COL23A1: variants seen among roughly 807,000 people sequenced by gnomAD.
COL23A1 encodes the protein collagen type XXIII alpha 1 chain, also known as collagen alpha-1(XXIII) chain.
A neutral mutation model predicts 99.3 loss-of-function variants in COL23A1; 97 were observed. That is an observed-to-expected ratio of 0.98 (90% CI 0.83 to 1.16). COL23A1 has a LOEUF of 1.16. COL23A1 is among the 50% of genes most tolerant of loss of function. The pLI is 0.00. For synonymous variants in COL23A1, 320 were observed against 308.2 expected, an observed-to-expected ratio of 1.04 and a Z score of -0.40; for missense variants, 762 against 757.4, an observed-to-expected ratio of 1.01 and a Z score of -0.07.
At position 178,309,643 on chromosome 5, in the gene COL23A1, C is replaced by T. The variant is rs962602350; in HGVS notation, c.362-2724G>A. Among the ~76,000 whole-genome samples the T allele has an allele frequency of 6.6e-6, 1 of 152,076 alleles. No homozygotes were observed. The highest frequency in any genetic ancestry group is 2.4e-5 in the African/African-American group (1 of 41,384). ...TCACCTCCCGACTTCCCACGCGCCC[C>T]CTGCCTCCCTTGTTACTTACCTGCA... On this transcript the variant is annotated intron_variant, in intron 2 of 28. Coordinates refer to ENST00000390654, the MANE Select transcript of COL23A1 (RefSeq NM_173465.4). This position sits in a 1 kb window ranked among gnomAD's most constrained non-coding sequence, Gnocchi z 4.7.
chr5:178,239,550 TGGCC>T (rs1764283573), intron 27 of COL23A1, among the ~76,000 whole-genome samples: 1 of 149,928 alleles, frequency 6.7e-6, no homozygotes, highest in African/African-American at 2.5e-5. Context: ...ACAGTGACTC[TGGCC>T]TGGGTCCTGC....
At chr5:178,435,235 A>T (rs1766492465) in intron 2 of COL23A1, among the ~76,000 whole-genome samples, 1 of 151,996 alleles carries the variant, frequency 6.6e-6, no homozygotes, top group Non-Finnish European at 1.5e-5. Context: ...CTCCTCTTTT[A>T]ATCTCCGGAT....
intron 2 of COL23A1, among the ~76,000 whole-genome samples, chr5:178,332,073 G>A (rs1393421555): frequency 6.6e-6 from 1 of 152,196 alleles, no homozygotes; most frequent in African/African-American, 2.4e-5. Context: ...TTCTGGCGGT[G>A]TGAAGGTCCT....
intron 2 of COL23A1, among the ~76,000 whole-genome samples, chr5:178,493,341 G>A (rs1758031871): frequency 6.6e-6 from 1 of 152,200 alleles, no homozygotes; most frequent in African/African-American, 2.4e-5. Context: ...CCTCCAACTT[G>A]CCTTGCAAAG....
At chr5:178,271,131 C>G (rs1165254041) in intron 5 of COL23A1, among the ~76,000 whole-genome samples, 1 of 152,140 alleles carries the variant, frequency 6.6e-6, no homozygotes, top group Non-Finnish European at 1.5e-5. Context: ...GCACAGCAGC[C>G]CGTGCCAGAC....
At chr5:178,562,625 A>G (rs1762637743) in intron 1 of COL23A1, 2 of 152,124 alleles carry the variant, frequency 1.3e-5, no homozygotes, top group Non-Finnish European at 2.9e-5. Flanking sequence ...CAGCTCTTAA[A>G]GATGACACTG....
intron 2 of COL23A1, among the ~76,000 whole-genome samples, chr5:178,467,164 C>A (rs1756467384): frequency 6.6e-6 from 1 of 152,182 alleles, no homozygotes; most frequent in Non-Finnish European, 1.5e-5. Context: ...CCCTCACTTG[C>A]ACAGGGAGCT....
chr5:178,582,244 AAGGATGGG>A (rs1048491858), intron 1 of COL23A1, among the ~76,000 whole-genome samples: 2 of 149,418 alleles, frequency 1.3e-5, no homozygotes, highest in Non-Finnish European at 3.0e-5. Context: ...GAAGGGAGAG[AAGGATGGG>A]CAAGCCATTA....
At chr5:178,398,455 C>T (rs1764267684) in intron 2 of COL23A1, among the ~76,000 whole-genome samples, 1 of 152,100 alleles carries the variant, frequency 6.6e-6, no homozygotes, top group Non-Finnish European at 1.5e-5. Context: ...GGCAAAAACC[C>T]ATCTCTACTA....
chr5:178,402,634 C>T (rs1002444787), intron 2 of COL23A1, among the ~76,000 whole-genome samples: 9 of 152,154 alleles, frequency 5.9e-5, no homozygotes, highest in Admixed American at 1.3e-4. Flanking sequence ...TGCCTGTAGT[C>T]GCAGCTACTT....
chr5:178,274,227 T>C (rs1006219578), intron 5 of COL23A1, among the ~76,000 whole-genome samples: 1 of 152,226 alleles, frequency 6.6e-6, no homozygotes, highest in Non-Finnish European at 1.5e-5. Context: ...ATGCACTCAG[T>C]GCCTGGCTGA....
At chr5:178,266,752 C>A (rs183477515) in intron 8 of COL23A1, among the ~76,000 whole-genome samples, 1 of 152,086 alleles carries the variant, frequency 6.6e-6, no homozygotes. Flanking sequence ...CTCAGGGCCG[C>A]GGAGGTGCGG....
intron 5 of COL23A1, among the ~76,000 whole-genome samples, chr5:178,282,048 T>C (rs1176344556): frequency 3.6e-5 from 1 of 27,944 alleles, no homozygotes; most frequent in Non-Finnish European, 1.8e-4. Context: ...CAAGACACTG[T>C]CTCCAAAAAA....
rs533495369 is a variant in COL23A1 at position 178,435,348 on chromosome 5, G to A, written c.361+125334C>T. On this transcript the variant is annotated intron_variant, in intron 2 of 28. Transcript: ENST00000390654. ...TGCAAACATGGAGCTCAGGGACCAC[G>A]GTGTCACCACTGGAGCCCCAAGTGA... is the stretch of plus-strand genomic sequence containing the variant. Among the ~76,000 whole-genome samples, 6 of 152,242 alleles carry A rather than the reference G, an allele frequency of 3.9e-5. 1 individual carries two copies. In the South Asian group the frequency reaches 8.3e-4, roughly 21 times the overall value.
chr5:178,473,116 C>G (rs1756846565), intron 2 of COL23A1, among the ~76,000 whole-genome samples: 3 of 150,178 alleles, frequency 2.0e-5, no homozygotes, highest in Admixed American at 2.0e-4. Flanking sequence ...GAGCAAGACT[C>G]TCTTCGCCAT....
At chr5:178,284,780 A>T (rs1163711992) in intron 5 of COL23A1, among the ~76,000 whole-genome samples, 3 of 152,346 alleles carry the variant, frequency 2.0e-5, no homozygotes, top group Non-Finnish European at 4.4e-5. Context: ...AGTACAAAAA[A>T]GTATGTCCAA....
rs1214313465 is a variant in COL23A1, at chr5:178,249,173, G to A, written c.1093C>T (p.Pro365Ser). The stretch of plus-strand genomic sequence containing the variant: ...TCCCCTTTGAGTCCTGCTGGCCCAG[G>A]CTCTCCTGGGTCTCCTTTCTGTCCT... ...PKGQKGDPGE[P>S]GPAGLKGEAG... The change falls in exon 19 of 29, where the codon CCT (proline) becomes TCT (serine). Residue 365 changes from proline (P) to serine (S), a missense_variant. Physicochemically the swap from Pro to Ser is moderately conservative, Grantham distance 74. Coordinates refer to ENST00000390654, the MANE Select transcript of COL23A1 (RefSeq NM_173465.4). The A allele has an allele frequency of 1.2e-6, 2 of 1,614,170 alleles. No homozygotes were observed. The highest frequency in any genetic ancestry group is 3.3e-5 in the Admixed American group (2 of 60,026).
chr5:178,259,621 T>TA, intron 12 of COL23A1, 100 bp downstream of exon 12: 32 of 1,039,924 alleles, frequency 3.1e-5, no homozygotes, highest in East Asian at 2.7e-5. Context: ...TCCCAGCCCA[T>TA]CCCGTCCCCA....
intron 3 of COL23A1, among the ~76,000 whole-genome samples, chr5:178,293,846 G>A (rs990530464): frequency 1.3e-5 from 2 of 151,964 alleles, no homozygotes; most frequent in African/African-American, 2.4e-5. Context: ...CATTTATATC[G>A]GGCAAGACCT....
Sources: allele counts gnomAD v4.1 joint callset (sites outside exome capture counted in the v4.1 genomes callset), GRCh38; gene constraint gnomAD v4.1.1; non-coding constraint Gnocchi (gnomAD v3.1); transcripts MANE v1.5; gene names NCBI Gene and HGNC (gene_info 2026-07-23, HGNC 2026-07-21).